ENPEP: variants seen among roughly 807,000 people sequenced by gnomAD.
ENPEP encodes glutamyl aminopeptidase, also known as AP-A.
Under a neutral mutation model 114.5 loss-of-function variants are expected in ENPEP, and 103 were observed. That is an observed-to-expected ratio of 0.90 (90% confidence interval 0.77 to 1.06). ENPEP has a LOEUF of 1.06. Among genes scored for constraint, ENPEP ranks in the 50% least tolerant of loss-of-function variants. ENPEP has a pLI of 0.00. For synonymous variants in ENPEP, 420 were observed against 422.0 expected (o/e 1.00, Z 0.06); for missense variants, 1,196 against 1,161.3 (o/e 1.03, Z -0.43).
rs780131015 is a variant in ENPEP at position 110,548,280 on chromosome 4, T to A, written c.2105T>A (p.Ile702Asn). The change falls in exon 14 of 20, where the codon ATC (isoleucine) becomes AAC (asparagine). Residue 702 changes from isoleucine (I) to asparagine (N), a missense_variant. Ile to Asn is a moderately radical substitution (Grantham distance 149, BLOSUM62 -3). Coordinates refer to ENST00000265162, the MANE Select transcript of ENPEP (RefSeq NM_001977.4). Reference protein sequence around the residue: ...WQRVISAVTYIISMFEDDKEL... With the variant: ...WQRVISAVTYNISMFEDDKEL... ...AGAGTAATTTCAGCTGTAACCTACATCATTAGCATGTTTGAAGATGATAAA... is the reference window on the plus strand; with the variant it reads ...AGAGTAATTTCAGCTGTAACCTACAACATTAGCATGTTTGAAGATGATAAA... 8.7e-6 allele frequency: 14 copies of A among 1,600,770 alleles called. No homozygotes were observed. Among genetic ancestry groups the A allele is most frequent in the Admixed American group, 1.7e-5 (1 of 58,310 alleles).
intron 1 of ENPEP, among the ~76,000 whole-genome samples, chr4:110,478,898 T>A (rs1442472776): frequency 6.6e-6 from 1 of 152,252 alleles, no homozygotes; most frequent in African/African-American, 2.4e-5. Flanking sequence ...TGTATGTGCA[T>A]CTGTTTATTT....
intron 6 of ENPEP, among the ~76,000 whole-genome samples, chr4:110,511,275 T>C (rs1438316943): frequency 6.6e-6 from 1 of 152,254 alleles, no homozygotes. Flanking sequence ...TGGATTTTTT[T>C]CAACTATGGA....
At chr4:110,521,410 T>TTA (rs949553676) in intron 10 of ENPEP, among the ~76,000 whole-genome samples, 4 of 151,166 alleles carry the variant, frequency 2.6e-5, no homozygotes, top group African/African-American at 4.8e-5. Context: ...AAATAAATAA[T>TTA]TATATATATA....
chr4:110,500,907 A>G (rs1444768013), intron 3 of ENPEP, among the ~76,000 whole-genome samples: 1 of 152,168 alleles, frequency 6.6e-6, no homozygotes, highest in Non-Finnish European at 1.5e-5. Flanking sequence ...GGAGATGCAG[A>G]TGGAGCATAC....
chr4:110,546,885 G>A (rs1727089598), intron 13 of ENPEP, among the ~76,000 whole-genome samples: 1 of 151,978 alleles, frequency 6.6e-6, no homozygotes, highest in African/African-American at 2.4e-5. Context: ...TAGACAGCTG[G>A]GAACTTTATG....
chr4:110,515,996 A>C, intron 8 of ENPEP: 1 of 289,504 alleles, frequency 3.5e-6, no homozygotes, highest in East Asian at 8.3e-5. Flanking sequence ...CAGCTCCCAA[A>C]GGCTTCGTTT....
intron 11 of ENPEP, chr4:110,533,143 G>C (rs1726469281): frequency 2.2e-6 from 1 of 444,518 alleles, no homozygotes; most frequent in South Asian, 1.6e-5. Context: ...TTACAAGTTT[G>C]AAAGCGTGAA....
intron 3 of ENPEP, among the ~76,000 whole-genome samples, chr4:110,499,790 G>T (rs1725083614): frequency 6.6e-6 from 1 of 152,146 alleles, no homozygotes. Context: ...ATTTATTAGT[G>T]TGGATTAGGG....
At chr4:110,484,145 G>T (rs1312712274) in intron 1 of ENPEP, among the ~76,000 whole-genome samples, 1 of 152,116 alleles carries the variant, frequency 6.6e-6, no homozygotes, top group African/African-American at 2.4e-5. Flanking sequence ...AGATTTATAA[G>T]ATGTAGAATG....
intron 3 of ENPEP, among the ~76,000 whole-genome samples, chr4:110,496,779 G>A (rs1724957287): frequency 6.6e-6 from 1 of 152,194 alleles, no homozygotes; most frequent in African/African-American, 2.4e-5. Context: ...ATACCACAGA[G>A]GTGAAGGGTC....
At chr4:110,480,826 C>A (rs6847717) in intron 1 of ENPEP, among the ~76,000 whole-genome samples, 2 of 152,142 alleles carry the variant, frequency 1.3e-5, no homozygotes, top group African/African-American at 2.4e-5. Flanking sequence ...AACATCCAGT[C>A]GCTTTTCCTT....
chr4:110,478,737 C>A (rs1724202686), intron 1 of ENPEP, among the ~76,000 whole-genome samples: 1 of 152,140 alleles, frequency 6.6e-6, no homozygotes. Flanking sequence ...CTGCACACAG[C>A]CAAGAATCTG....
intron 19 of ENPEP, among the ~76,000 whole-genome samples, chr4:110,560,052 T>C (rs1166948247): frequency 6.6e-6 from 1 of 152,244 alleles, no homozygotes; most frequent in East Asian, 1.9e-4. Flanking sequence ...TGTTTGGTTT[T>C]CTGTTCCTGT....
At chr4:110,550,537 G>A (rs973493915) in intron 17 of ENPEP, among the ~76,000 whole-genome samples, 1 of 151,952 alleles carries the variant, frequency 6.6e-6, no homozygotes, top group African/African-American at 2.4e-5. Flanking sequence ...AGTGTCTGCC[G>A]CAAATGCATT....
chr4:110,483,434 A>G (rs1408486675), intron 1 of ENPEP, among the ~76,000 whole-genome samples: 1 of 152,140 alleles, frequency 6.6e-6, no homozygotes, highest in Non-Finnish European at 1.5e-5. Context: ...ACAGCATGCC[A>G]GATGATTTAT....
At chr4:110,489,116 A>G (rs548606215) in intron 2 of ENPEP, among the ~76,000 whole-genome samples, 12 of 152,242 alleles carry the variant, frequency 7.9e-5, no homozygotes, top group African/African-American at 2.9e-4. Context: ...TAAAAAAATC[A>G]TCACTTAAAT....
intron 8 of ENPEP, among the ~76,000 whole-genome samples, chr4:110,516,990 C>T (rs6818758): frequency 0.016 from 2,415 of 152,218 alleles, 57 homozygotes; most frequent in African/African-American, 0.054. Flanking sequence ...GTCGCCAAGG[C>T]TGGAGTGCAG....
At chr4:110,545,766 C>T (rs1217471522) in intron 13 of ENPEP, among the ~76,000 whole-genome samples, 2 of 151,934 alleles carry the variant, frequency 1.3e-5, no homozygotes, top group African/African-American at 4.8e-5. Context: ...CTGCAGTTTC[C>T]TTGAGGTGGG....
rs140441002 is a variant in ENPEP at position 110,495,998 on chromosome 4, T to A, written c.918+4834T>A. ...GATATTATCCATTTAATTAGGTTTG[T>A]ACTATGACCATATTAATTCTAATAT... On this transcript the variant is annotated intron_variant, in intron 3 of 19. Transcript: ENST00000265162. 2.4e-3 allele frequency among the ~76,000 whole-genome samples: 363 copies of A among 152,330 alleles called. 3 individuals are homozygous for A. The highest frequency in any genetic ancestry group is 8.3e-3 in the African/African-American group (347 of 41,576).
Sources: allele counts gnomAD v4.1 joint callset (sites outside exome capture counted in the v4.1 genomes callset), GRCh38; gene constraint gnomAD v4.1.1; transcripts MANE v1.5; gene names NCBI Gene and HGNC (gene_info 2026-07-23, HGNC 2026-07-21).